The following MITF variants were observed in gnomAD, a reference collection of about 807,000 sequenced individuals.
The protein encoded by MITF is microphthalmia-associated transcription factor.
A neutral mutation model predicts 60.5 loss-of-function variants in MITF; 17 were observed. The ratio of observed to expected loss-of-function variants is 0.28; its 90% CI spans 0.19 to 0.42. MITF has a LOEUF of 0.42. MITF is among the 10% of genes least tolerant of loss of function. The probability of loss-of-function intolerance (pLI) is 1.00; values close to 1 mark genes in which losing one functional copy is unlikely to be tolerated. For missense variants in MITF, 622 were observed against 683.5 expected, an observed-to-expected ratio of 0.91 and a Z score of 1.00; for synonymous variants, 260 against 248.5, an observed-to-expected ratio of 1.05 and a Z score of -0.43.
chr3:69,767,653 C>A (rs982355351), intron 1 of MITF, among the ~76,000 whole-genome samples: 4 of 152,076 alleles, frequency 2.6e-5, no homozygotes, highest in African/African-American at 9.7e-5. Context: ...GAGAGGAAAG[C>A]ATTCCAGGTA....
chr3:69,799,531 A>G (rs1307093513), intron 1 of MITF, among the ~76,000 whole-genome samples: 1 of 152,182 alleles, frequency 6.6e-6, no homozygotes, highest in East Asian at 1.9e-4. Flanking sequence ...ATCTGTTTAC[A>G]TGGACAAAGT....
At position 69,879,223 on chromosome 3, in the gene MITF, G is replaced by T. The variant is rs1170368454; in HGVS notation, c.194G>T (p.Arg65Leu). The part of the protein sequence containing the change: ...SRILLRQQLM[R>L]EQMQEQERRE... Reference sequence around the variant, plus strand: ...ATCTTGCTACGCCAGCAACTCATGCGTGAGCAGATGCAGGAGCAGGAGCGC... The same window carrying T: ...ATCTTGCTACGCCAGCAACTCATGCTTGAGCAGATGCAGGAGCAGGAGCGC... The change falls in exon 2 of 10, where the codon CGT becomes CTT. Residue 65 changes from arginine to leucine, a missense_variant. Physicochemically the swap from Arg to Leu is moderately radical, Grantham distance 102. This residue lies in a region of MITF where 149 missense variants were observed against 157.8 expected (regional missense o/e 0.94). Coordinates refer to ENST00000352241, the MANE Select transcript of MITF (RefSeq NM_001354604.2). 5 of 1,614,094 alleles carry T rather than the reference G, an allele frequency of 3.1e-6. No individual in the cohort carries two copies. Among genetic ancestry groups the T allele is most frequent in the Non-Finnish European group, 4.2e-6 (5 of 1,180,048 alleles).
In MITF at chr3:69,870,259, T is replaced by TACAC. The variant is rs146363082; in HGVS notation, c.105-8856_105-8853dup. Among the ~76,000 whole-genome samples the TACAC allele has an allele frequency of 6.1e-3, 883 of 145,298 alleles. 10 individuals are homozygous for TACAC. The highest frequency in any genetic ancestry group is 0.021 in the African/African-American group (836 of 39,628). On this transcript the variant is annotated intron_variant, in intron 1 of 9. Coordinates refer to ENST00000352241, the MANE Select transcript of MITF (RefSeq NM_001354604.2). ...GCACAAATCAGAGTTGGTAAATGGATACACACACACACACACACACACGTG... is the reference window on the plus strand; with the variant it reads ...GCACAAATCAGAGTTGGTAAATGGATACACACACACACACACACACACACACGTG...
rs141891983 is a variant in MITF at position 69,951,989 on chromosome 3, G to C, written c.955+103G>C. ...TAGAGGAGAGTTGATTCCTACAGCT[G>C]TTAAAATTCTCTCTTATGGAAGAAA... On this transcript the variant is annotated intron_variant, in intron 7 of 9. Transcript: ENST00000352241. The C allele has an allele frequency of 5.6e-4, 473 of 844,352 alleles. 2 individuals are homozygous for C. In the African/African-American group the frequency reaches 7.0e-3, roughly 12 times the overall value. 52.3% of individuals were successfully genotyped at this position (844,352 alleles called of 1,614,324 possible). A position where few individuals can be genotyped will look rare whatever the true frequency, so the allele number is the denominator to read the frequency against.
intron 1 of MITF, among the ~76,000 whole-genome samples, chr3:69,747,239 G>T (rs1363411838): frequency 6.6e-6 from 1 of 152,184 alleles, no homozygotes; most frequent in Non-Finnish European, 1.5e-5. Context: ...AAATACATGA[G>T]CAAGATGAGT....
At chr3:69,961,735 C>CA (rs926426022) in intron 9 of MITF, among the ~76,000 whole-genome samples, 6 of 151,672 alleles carry the variant, frequency 4.0e-5, no homozygotes, top group African/African-American at 1.2e-4. Context: ...AAAAAACAAA[C>CA]AAAAAAAAGC....
At chr3:69,867,509 C>G (rs1004161408) in intron 1 of MITF, among the ~76,000 whole-genome samples, 2 of 151,858 alleles carry the variant, frequency 1.3e-5, no homozygotes, top group Non-Finnish European at 2.9e-5. Flanking sequence ...TTCTTTATGT[C>G]GTCATAACAG....
At chr3:69,920,091 G>A (rs1575963911) in intron 2 of MITF, among the ~76,000 whole-genome samples, 1 of 152,092 alleles carries the variant, frequency 6.6e-6, no homozygotes, top group Non-Finnish European at 1.5e-5. Context: ...GAAAAACCAG[G>A]CCATACAGAG....
chr3:69,822,462 C>T (rs936314245), intron 1 of MITF, among the ~76,000 whole-genome samples: 3 of 152,166 alleles, frequency 2.0e-5, no homozygotes, highest in Non-Finnish European at 4.4e-5. Context: ...CCATTCCTGG[C>T]ACTGTCATAG....
At chr3:69,832,763 C>T (rs1305295191) in intron 1 of MITF, among the ~76,000 whole-genome samples, 1 of 152,152 alleles carries the variant, frequency 6.6e-6, no homozygotes, top group East Asian at 1.9e-4. Flanking sequence ...CCTATTTACA[C>T]TATATGTGTT....
intron 2 of MITF, among the ~76,000 whole-genome samples, chr3:69,912,322 A>C (rs73117306): frequency 0.015 from 2,346 of 152,286 alleles, 28 homozygotes; most frequent in Middle Eastern, 0.051. Context: ...AATATTTAAT[A>C]CAAAGCAAAC....
chr3:69,931,448 A>G (rs12106842), intron 2 of MITF, among the ~76,000 whole-genome samples: 2,324 of 152,288 alleles, frequency 0.015, 23 homozygotes, highest in Middle Eastern at 0.051. Context: ...TCCTAAAACC[A>G]AAGTATGCCT....
At chr3:69,879,413 C>T (rs2107279258) in intron 2 of MITF, 30 bp downstream of exon 2, 1 of 1,614,010 alleles carries the variant, frequency 6.2e-7, no homozygotes, top group Non-Finnish European at 8.5e-7. Flanking sequence ...GTTGGTTGGA[C>T]CAAACTCTCT....
intron 1 of MITF, among the ~76,000 whole-genome samples, chr3:69,747,211 C>T (rs940558332): frequency 1.3e-5 from 2 of 152,076 alleles, no homozygotes; most frequent in African/African-American, 4.8e-5. Context: ...GGAGGTGGCG[C>T]ACAGTTAACA....
intron 1 of MITF, among the ~76,000 whole-genome samples, chr3:69,756,584 G>A (rs561914454): frequency 3.1e-4 from 47 of 152,256 alleles, no homozygotes; most frequent in African/African-American, 1.0e-3. Context: ...AAATAGTGCT[G>A]CAATAAACAT....
intron 1 of MITF, among the ~76,000 whole-genome samples, chr3:69,843,279 T>C (rs1371409984): frequency 6.6e-6 from 1 of 152,070 alleles, no homozygotes; most frequent in Non-Finnish European, 1.5e-5. Flanking sequence ...AAAGTGTCAA[T>C]ATTGAAAGAA....
intron 1 of MITF, among the ~76,000 whole-genome samples, chr3:69,752,897 A>G (rs1703987015): frequency 6.6e-6 from 1 of 152,152 alleles, no homozygotes; most frequent in African/African-American, 2.4e-5. Flanking sequence ...CCATGACTGC[A>G]GGTTTCCTGA....
intron 1 of MITF, among the ~76,000 whole-genome samples, chr3:69,822,753 A>T (rs1212476543): frequency 6.6e-6 from 1 of 152,120 alleles, no homozygotes; most frequent in African/African-American, 2.4e-5. Context: ...TACAAACACC[A>T]AATACTTGCT....
intron 1 of MITF, among the ~76,000 whole-genome samples, chr3:69,796,499 T>C (rs1022791825): frequency 4.2e-4 from 31 of 74,334 alleles, no homozygotes; most frequent in Non-Finnish European, 8.0e-4. Flanking sequence ...TCTTTCTTTT[T>C]TTTTTTTTTT....
Sources: gnomAD v4.1 joint callset for allele counts (sites outside exome capture counted in the v4.1 genomes callset) on GRCh38, gnomAD v4.1.1 for gene constraint, gnomAD v4.1.1 regional missense constraint, MANE v1.5 for transcripts, NCBI Gene and HGNC (gene_info 2026-07-23, HGNC 2026-07-21) for gene names.